LPAR3: variants seen among roughly 807,000 people sequenced by gnomAD.
LPAR3 encodes lysophosphatidic acid receptor 3.
In LPAR3, 7 loss-of-function variants were observed where a neutral mutation model predicts 17.8. The ratio of observed to expected loss-of-function variants is 0.39; its 90% CI spans 0.22 to 0.74. The LOEUF (loss-of-function observed/expected upper bound fraction) is 0.74. Among genes scored for constraint, LPAR3 ranks in the 30% least tolerant of loss-of-function variants. The probability of loss-of-function intolerance (pLI) is 0.40; values close to 1 mark genes in which losing one functional copy is unlikely to be tolerated. For missense variants in LPAR3, 391 were observed against 453.4 expected (o/e 0.86, Z 1.25); for synonymous variants, 179 against 179.9 (o/e 0.99, Z 0.04).
At chr1:84,888,179 C>CAG (rs1225298118) in intron 1 of LPAR3, among the ~76,000 whole-genome samples, 30 of 24,736 alleles carry the variant, frequency 1.2e-3, no homozygotes, top group African/African-American at 4.0e-3. Context: ...CACACACACA[C>CAG]AGAGAGAGGC....
intron 1 of LPAR3, among the ~76,000 whole-genome samples, chr1:84,892,318 A>C (rs993741272): frequency 6.6e-6 from 1 of 152,198 alleles, no homozygotes; most frequent in African/African-American, 2.4e-5. Context: ...ATAAGACTAA[A>C]TTGTTTCCAA....
chr1:84,814,577 A>G (rs1658896484), intron 2 of LPAR3, among the ~76,000 whole-genome samples: 1 of 152,226 alleles, frequency 6.6e-6, no homozygotes, highest in Admixed American at 6.5e-5. Flanking sequence ...AGATGAGAGG[A>G]GAACTCTCTG....
intron 1 of LPAR3, among the ~76,000 whole-genome samples, chr1:84,868,329 C>T (rs992006860): frequency 3.9e-5 from 6 of 152,054 alleles, no homozygotes; most frequent in South Asian, 2.1e-4. Context: ...AGGATGGTCT[C>T]GAACTCCTGA....
chr1:84,838,631 C>A (rs1659448397), intron 2 of LPAR3, among the ~76,000 whole-genome samples: 1 of 152,176 alleles, frequency 6.6e-6, no homozygotes, highest in Admixed American at 6.5e-5. Context: ...AGTTTAATAG[C>A]CAAATGGCCT....
intron 2 of LPAR3, among the ~76,000 whole-genome samples, chr1:84,829,484 T>G (rs187013481): frequency 3.9e-5 from 6 of 152,192 alleles, no homozygotes; most frequent in Admixed American, 3.9e-4. Context: ...TGACCATATC[T>G]GCTTCCATCC....
chr1:84,815,351 T>C (rs1306631316), intron 2 of LPAR3, among the ~76,000 whole-genome samples: 1 of 152,160 alleles, frequency 6.6e-6, no homozygotes, highest in African/African-American at 2.4e-5. Flanking sequence ...AAGCTAACAA[T>C]GTGCCAGGAG....
At chr1:84,826,482 T>G (rs1163348910) in intron 2 of LPAR3, among the ~76,000 whole-genome samples, 4 of 152,150 alleles carry the variant, frequency 2.6e-5, no homozygotes, top group Admixed American at 2.6e-4. Context: ...TTTAGTAAAC[T>G]CAGCTATATC....
chr1:84,865,630 G>A lies in LPAR3; in HGVS notation c.491C>T (p.Thr164Ile), dbSNP rs558451507. 1.1e-5 allele frequency: 18 copies of A among 1,614,190 alleles called. No homozygotes were observed. In the East Asian group the frequency reaches 2.2e-4, roughly 20 times the overall value. The change falls in exon 2 of 3, where the codon ACA (threonine) becomes ATA (isoleucine). Residue 164 changes from threonine (T) to isoleucine (I), a missense_variant. By Grantham distance (89) the Thr-to-Ile change is moderately conservative. Transcript: ENST00000370611. ...AIAIFMGAVP[T>I]LGWNCLCNIS... is the part of the protein sequence containing the mutation. Reference sequence around the variant, plus strand: ...GTTGCAGAGGCAATTCCAGCCCAGTGTGGGGACCGCCCCCATAAAAATGGC... The same window carrying A: ...GTTGCAGAGGCAATTCCAGCCCAGTATGGGGACCGCCCCCATAAAAATGGC...
intron 2 of LPAR3, among the ~76,000 whole-genome samples, chr1:84,859,242 A>G (rs1001410837): frequency 6.6e-6 from 1 of 152,146 alleles, no homozygotes; most frequent in Non-Finnish European, 1.5e-5. Flanking sequence ...ATTTTCACCC[A>G]TTTCCTCCTA....
intron 2 of LPAR3, among the ~76,000 whole-genome samples, chr1:84,850,626 G>A (rs1340373056): frequency 6.6e-6 from 1 of 152,028 alleles, no homozygotes; most frequent in Non-Finnish European, 1.5e-5. Flanking sequence ...AATCACCAGG[G>A]ACTCTAGAGA....
intron 2 of LPAR3, among the ~76,000 whole-genome samples, chr1:84,841,418 G>C (rs1378665132): frequency 6.6e-6 from 1 of 152,076 alleles, no homozygotes; most frequent in Non-Finnish European, 1.5e-5. Flanking sequence ...TTGTCCTTTG[G>C]AGGAAAAGAA....
intron 2 of LPAR3, among the ~76,000 whole-genome samples, chr1:84,855,441 G>C (rs1006374138): frequency 6.6e-6 from 1 of 152,158 alleles, no homozygotes; most frequent in Non-Finnish European, 1.5e-5. Context: ...GTTGGCAGGA[G>C]GGTTGGATGT....
chr1:84,871,122 T>TTTTG (rs142285039), intron 1 of LPAR3, among the ~76,000 whole-genome samples: 2 of 152,184 alleles, frequency 1.3e-5, no homozygotes, highest in African/African-American at 2.4e-5. Flanking sequence ...CCAAGCTGTT[T>TTTTG]TTTGTTTGTT....
rs752199186 is a variant in LPAR3, at chr1:84,813,839, C to G, written c.*7G>C. On this transcript the variant is annotated 3_prime_UTR_variant, in exon 3 of 3. Coordinates refer to ENST00000370611, the MANE Select transcript of LPAR3 (RefSeq NM_012152.3). The stretch of plus-strand genomic sequence containing the variant: ...GAGGCCTGGGTGGGCCGAGAGGCAT[C>G]CAGAGTTTAGGAAGTGCTTTTATTG... 1.2e-6 allele frequency: 2 copies of G among 1,609,124 alleles called. No homozygotes were observed. The highest frequency in any genetic ancestry group is 2.7e-5 in the African/African-American group (2 of 74,798).
At chr1:84,869,932 AC>A (rs1328652645) in intron 1 of LPAR3, among the ~76,000 whole-genome samples, 17 of 152,318 alleles carry the variant, frequency 1.1e-4, no homozygotes, top group Admixed American at 1.0e-3. Context: ...GACTTGCAAA[AC>A]CCTGACCACA....
chr1:84,842,375 T>C (rs1570875405), intron 2 of LPAR3, among the ~76,000 whole-genome samples: 1 of 152,242 alleles, frequency 6.6e-6, no homozygotes, highest in Non-Finnish European at 1.5e-5. Context: ...ATTCAGTCAC[T>C]GGTCAAAAGC....
intron 2 of LPAR3, among the ~76,000 whole-genome samples, chr1:84,815,702 T>C (rs1026132860): frequency 6.6e-6 from 1 of 152,246 alleles, no homozygotes; most frequent in South Asian, 2.1e-4. Context: ...ATAAAGTTAA[T>C]AAACCCAACT....
chr1:84,880,919 T>C lies in LPAR3; in HGVS notation c.-19+12097A>G, dbSNP rs574895120. Among the ~76,000 whole-genome samples, 82 of 152,286 alleles carry C rather than the reference T, an allele frequency of 5.4e-4. 1 individual carries two copies. In the Middle Eastern group the frequency reaches 0.014, roughly 25 times the overall value. On this transcript the variant is annotated intron_variant, in intron 1 of 2. Coordinates refer to ENST00000370611, the MANE Select transcript of LPAR3 (RefSeq NM_012152.3). ...AGAGAGGGGAAGCATGGACCAACCATGGAACTGACTCCACTGCCAGGGCAG... is the reference window on the plus strand; with the variant it reads ...AGAGAGGGGAAGCATGGACCAACCACGGAACTGACTCCACTGCCAGGGCAG...
chr1:84,862,392 T>C (rs1258400744), intron 2 of LPAR3, among the ~76,000 whole-genome samples: 2 of 152,212 alleles, frequency 1.3e-5, no homozygotes, highest in African/African-American at 4.8e-5. Flanking sequence ...GGTAAATATG[T>C]GAACTCTAGA....
Sources: gnomAD v4.1 joint callset for allele counts (sites outside exome capture counted in the v4.1 genomes callset) on GRCh38, gnomAD v4.1.1 for gene constraint, MANE v1.5 for transcripts, NCBI Gene and HGNC (gene_info 2026-07-23, HGNC 2026-07-21) for gene names.